INTS1: variants seen among roughly 807,000 people sequenced by gnomAD.
INTS1 encodes the protein integrator complex subunit 1.
INTS1 carries 137 observed loss-of-function variants against 241.6 expected under a neutral mutation model. The ratio of observed to expected loss-of-function variants is 0.57; its 90% CI spans 0.49 to 0.65. The LOEUF (loss-of-function observed/expected upper bound fraction) is 0.65. INTS1 is among the 30% of genes least tolerant of loss of function. The pLI, the probability that INTS1 is intolerant of heterozygous loss-of-function variation, is 0.00. For missense variants in INTS1, 3,073 were observed against 3,032.2 expected, an observed-to-expected ratio of 1.01 and a Z score of -0.32; for synonymous variants, 1,692 against 1,337.8, an observed-to-expected ratio of 1.26 and a Z score of -5.78.
At chr7:1,476,941 G>C in intron 35 of INTS1, 23 bp from the exon 36 acceptor site, 1 of 1,599,742 alleles carries the variant, frequency 6.3e-7, no homozygotes, top group African/African-American at 1.3e-5. Flanking sequence ...GAAGAAGCCC[G>C]GATGGCCTCA....
At chr7:1,485,734 G>A (rs1439240907) in intron 22 of INTS1, among the ~76,000 whole-genome samples, 26 of 152,256 alleles carry the variant, frequency 1.7e-4, no homozygotes, top group Admixed American at 1.6e-3. Flanking sequence ...CCACCTTCAC[G>A]TTTCACTAGC....
At chr7:1,472,699 G>C (rs1045098453) in intron 43 of INTS1, among the ~76,000 whole-genome samples, 1 of 152,188 alleles carries the variant, frequency 6.6e-6, no homozygotes, top group Non-Finnish European at 1.5e-5. Flanking sequence ...GACGTGCTGC[G>C]GTGCCGTGTC....
chr7:1,496,074 G>C (rs1782836486), intron 12 of INTS1, 82 bp downstream of exon 12: 3 of 1,086,604 alleles, frequency 2.8e-6, no homozygotes, highest in African/African-American at 1.5e-5. Context: ...TCAGGGGACA[G>C]TGCAGCCTCG....
In INTS1 at chr7:1,477,883, C is replaced by T. The variant is rs750915515; in HGVS notation, c.4684G>A (p.Ala1562Thr). Reference protein sequence around the residue: ...RSPHLEELLTAFFSATADAAS... With the variant: ...RSPHLEELLTTFFSATADAAS... ...GCATCCGCAGTGGCAGAGAAGAATG[C>T]AGTCAGCAGCTCCTCCAGGTGGGGG... The change falls in exon 34 of 48, where the codon GCA (alanine) becomes ACA (threonine). Residue 1562 changes from alanine to threonine, a missense_variant. By Grantham distance (58) the Ala-to-Thr change is moderately conservative (BLOSUM62 0). Coordinates refer to ENST00000404767, the MANE Select transcript of INTS1 (RefSeq NM_001080453.3). 1.9e-6 allele frequency: 3 copies of T among 1,612,648 alleles called. No individual in the cohort carries two copies. The South Asian group carries it at 3.3e-5, about 18-fold the overall frequency.
intron 35 of INTS1, among the ~76,000 whole-genome samples, 185 bp downstream of exon 35, chr7:1,477,365 G>A (rs760951009): frequency 2.6e-5 from 4 of 152,170 alleles, no homozygotes; most frequent in Non-Finnish European, 4.4e-5. Context: ...ACCCTGGCCT[G>A]GGTTCTGCTA....
chr7:1,499,887 G>C lies in INTS1; in HGVS notation c.681C>G (p.Val227=). 1 of 1,612,232 alleles carries C rather than the reference G, an allele frequency of 6.2e-7. No homozygotes were observed. Among genetic ancestry groups the C allele is most frequent in the Non-Finnish European group, 8.5e-7 (1 of 1,178,912 alleles). The change falls in exon 5 of 48, where the codon GTC becomes GTG. Residue 227 remains valine, a synonymous_variant. Coordinates refer to ENST00000404767, the MANE Select transcript of INTS1 (RefSeq NM_001080453.3). Reference sequence around the variant, plus strand: ...CGTCCCGGGAGAGGACGCTCACCTTGACAAAGATCTCGGGCCAGTTCTCGT... The same window carrying C: ...CGTCCCGGGAGAGGACGCTCACCTTCACAAAGATCTCGGGCCAGTTCTCGT... ...EEDENWPEIF[V]KVYIEDSLGE... is the part of the protein sequence containing the mutation.
rs371820628 is a variant in INTS1, at chr7:1,481,286, G to A, written c.3850+56C>T. ...GCACCCAGGCCCCAAAAGCCTGGCC[G>A]GGCTGGGGCTCGGTCAGCGTGTGTG... On this transcript the variant is annotated intron_variant, in intron 28 of 47. Transcript: ENST00000404767. The surrounding 1 kb of genome is among the most constrained non-coding windows in gnomAD (Gnocchi z 6.8). 1.9e-4 allele frequency: 299 copies of A among 1,603,810 alleles called. 3 individuals are homozygous for A. The highest frequency in any genetic ancestry group is 1.9e-3 in the South Asian group (168 of 90,556).
intron 3 of INTS1, among the ~76,000 whole-genome samples, 163 bp downstream of exon 3, chr7:1,502,738 C>A (rs1783251719): frequency 6.6e-6 from 1 of 152,208 alleles, no homozygotes; most frequent in African/African-American, 2.4e-5. Context: ...GGGATAAGGG[C>A]ATCTACGTGA....
rs186956818 is a variant in INTS1, at chr7:1,474,660, T to G, written c.5636+45A>C. 827 of 1,528,932 alleles carry G rather than the reference T, an allele frequency of 5.4e-4. 9 individuals carry two copies. The East Asian group carries it at 0.014, about 27-fold the overall frequency. 94.7% of individuals were successfully genotyped at this position (1,528,932 alleles called of 1,614,324 possible). On this transcript the variant is annotated intron_variant, in intron 40 of 47. Coordinates refer to ENST00000404767, the MANE Select transcript of INTS1 (RefSeq NM_001080453.3). ...CAGGCTGGAGAGCCGCAGACCCCCC[T>G]GGTTAAACCAGTGTCTGGCGAGGGC...
At chr7:1,477,522 C>A in intron 35 of INTS1, 28 bp downstream of exon 35, 1 of 1,484,566 alleles carries the variant, frequency 6.7e-7, no homozygotes, top group Admixed American at 2.5e-5. Context: ...TGGGGTGGGT[C>A]CCCGTGCTGA....
chr7:1,492,097 T>G (rs1782582781), intron 16 of INTS1, among the ~76,000 whole-genome samples: 1 of 152,006 alleles, frequency 6.6e-6, no homozygotes, highest in African/African-American at 2.4e-5. Context: ...AGAGCCTCAG[T>G]TAAACACGTG....
In INTS1 at chr7:1,485,232, A is replaced by C. The variant is rs775085617; in HGVS notation, c.3157-30T>G. 9 of 1,598,244 alleles carry C rather than the reference A, an allele frequency of 5.6e-6. No individual in the cohort carries two copies. In the South Asian group the frequency reaches 9.9e-5, roughly 18 times the overall value. On this transcript the variant is annotated intron_variant, in intron 23 of 47. Transcript: ENST00000404767. Reference sequence around the variant, plus strand: ...AGGGGAGGGTGGTCTGAGCGGCAACAGGGCAGGGCTGCGGCCCTCTCATCT... The same window carrying C: ...AGGGGAGGGTGGTCTGAGCGGCAACCGGGCAGGGCTGCGGCCCTCTCATCT...
intron 14 of INTS1, chr7:1,494,579 C>T (rs1782753257): frequency 1.7e-6 from 1 of 584,478 alleles, no homozygotes; most frequent in Non-Finnish European, 3.1e-6. Flanking sequence ...GAGGCTGCGG[C>T]TGGGGCTTGG....
At chr7:1,487,145 A>T (rs1207212064) in intron 20 of INTS1, 44 bp from the exon 21 acceptor site, 1 of 1,532,174 alleles carries the variant, frequency 6.5e-7, no homozygotes, top group Non-Finnish European at 8.8e-7. Context: ...TTCCAGGCCC[A>T]ACACCTGCCG....
rs562023211 is a variant in INTS1, at chr7:1,500,032, G to A, written c.547-11C>T. On this transcript the variant is annotated splice_polypyrimidine_tract_variant and intron_variant, in intron 4 of 47. Coordinates refer to ENST00000404767, the MANE Select transcript of INTS1 (RefSeq NM_001080453.3). The stretch of plus-strand genomic sequence containing the variant: ...GAGGCTACACAGAGCCTGCCAGGGA[G>A]GGCGCATGTCACGTGGGAGCTTCGC... 211 of 1,612,454 alleles carry A rather than the reference G, an allele frequency of 1.3e-4. 1 individual carries two copies. In the South Asian group the frequency reaches 2.1e-3, roughly 16 times the overall value.
rs547066674 is a variant in INTS1, at chr7:1,479,406, C to A, written c.4329+24G>T. 22 of 1,556,174 alleles carry A rather than the reference C, an allele frequency of 1.4e-5. No homozygotes were observed. In the East Asian group the frequency reaches 3.1e-4, roughly 22 times the overall value. ...CAGAGCCCTCACTGCCCTCCTCCCC[C>A]GCAAGAGGCCCACGCCCAAGTACCT... On this transcript the variant is annotated intron_variant, in intron 31 of 47. Transcript: ENST00000404767.
chr7:1,488,086 G>A (rs1206172732), intron 18 of INTS1, 129 bp from the exon 19 acceptor site: 7 of 959,374 alleles, frequency 7.3e-6, no homozygotes, highest in Non-Finnish European at 1.1e-5. Context: ...GCAGTCAGGA[G>A]CACAGGGCGC....
At chr7:1,472,704 C>T (rs934249227) in intron 43 of INTS1, among the ~76,000 whole-genome samples, 8 of 152,004 alleles carry the variant, frequency 5.3e-5, no homozygotes, top group Admixed American at 2.0e-4. Flanking sequence ...GCTGCGGTGC[C>T]GTGTCACCTC....
At chr7:1,494,409 T>C (rs732491) in intron 14 of INTS1, 139,228 of 274,532 alleles carry the variant, frequency 0.51, 37,805 homozygotes, top group African/African-American at 0.77. Context: ...GGGTCACCCA[T>C]GGGGCTTGAA....
Sources: allele counts gnomAD v4.1 joint callset (sites outside exome capture counted in the v4.1 genomes callset), GRCh38; gene constraint gnomAD v4.1.1; non-coding constraint Gnocchi (gnomAD v3.1); transcripts MANE v1.5; gene names NCBI Gene and HGNC (gene_info 2026-07-23, HGNC 2026-07-21).